The following LRP1B variants were observed in gnomAD, a reference collection of about 807,000 sequenced individuals.
LRP1B encodes the protein low-density lipoprotein receptor-related protein 1B.
Under a neutral mutation model 556.6 loss-of-function variants are expected in LRP1B, and 217 were observed. That is an observed-to-expected ratio of 0.39 (90% CI 0.35 to 0.44). LRP1B has a LOEUF of 0.44. Ranked by LOEUF, LRP1B falls within the 20% of genes least tolerant of loss-of-function variation. The pLI is 1.00. For missense variants in LRP1B, 5,053 were observed against 5,620.8 expected, an observed-to-expected ratio of 0.90 and a Z score of 3.23; for synonymous variants, 2,047 against 1,865.8, an observed-to-expected ratio of 1.10 and a Z score of -2.50.
chr2:140,977,119 C>G (rs1008898695), intron 18 of LRP1B, among the ~76,000 whole-genome samples: 2 of 152,196 alleles, frequency 1.3e-5, no homozygotes, highest in South Asian at 2.1e-4. Context: ...TGGCTCGTCC[C>G]CACCCAAGTC....
rs114227202 is a variant in LRP1B, at chr2:140,384,066, T to C, written c.10531+1827A>G. Among the ~76,000 whole-genome samples the C allele has an allele frequency of 3.4e-3, 521 of 152,254 alleles. 3 individuals carry two copies. Among genetic ancestry groups the C allele is most frequent in the African/African-American group, 0.012 (490 of 41,562 alleles). The stretch of plus-strand genomic sequence containing the variant: ...AGCAGACTCAGAAGCAGGCGAGCCC[T>C]TCCTTCTTCTCCTGCTTTTCCTATT... On this transcript the variant is annotated intron_variant, in intron 67 of 90. Transcript: ENST00000389484.
chr2:141,235,506 T>C (rs562080715), intron 5 of LRP1B, among the ~76,000 whole-genome samples: 2 of 152,234 alleles, frequency 1.3e-5, no homozygotes, highest in East Asian at 3.9e-4. Flanking sequence ...GGTCTCAGCC[T>C]TGCCTTAATG....
intron 2 of LRP1B, among the ~76,000 whole-genome samples, chr2:141,689,972 T>C (rs1310101650): frequency 6.6e-6 from 1 of 151,798 alleles, no homozygotes; most frequent in Non-Finnish European, 1.5e-5. Flanking sequence ...TCTACTCTTG[T>C]AAATACTTGG....
At position 141,188,590 on chromosome 2, in the gene LRP1B, AAC is replaced by A; in HGVS notation, c.851-9_851-8del. The A allele has an allele frequency of 6.2e-7, 1 of 1,611,254 alleles. No homozygotes were observed. The highest frequency in any genetic ancestry group is 1.7e-4 in the Middle Eastern group (1 of 6,046). ...ATCGCCATTTGTTGCACATCTGAAA[AAC>A]ACATACACAAAATCATTGAATCACA... On this transcript the variant is annotated splice_polypyrimidine_tract_variant and splice_region_variant and intron_variant, in intron 6 of 90. Coordinates refer to ENST00000389484, the MANE Select transcript of LRP1B (RefSeq NM_018557.3).
At chr2:141,752,468 C>T (rs1279890672) in intron 2 of LRP1B, among the ~76,000 whole-genome samples, 1 of 152,078 alleles carries the variant, frequency 6.6e-6, no homozygotes, top group Non-Finnish European at 1.5e-5. Context: ...TTTTGGGTAC[C>T]ACTACCTAGA....
chr2:141,183,753 A>G (rs888346099), intron 7 of LRP1B, among the ~76,000 whole-genome samples: 14 of 151,972 alleles, frequency 9.2e-5, no homozygotes, highest in African/African-American at 2.7e-4. Flanking sequence ...CCCTCCCTCA[A>G]TTTAGCCAAA....
chr2:141,065,092 T>C (rs997568547), intron 7 of LRP1B, among the ~76,000 whole-genome samples: 23 of 151,912 alleles, frequency 1.5e-4, no homozygotes, highest in Non-Finnish European at 2.4e-4. Flanking sequence ...AACTTGTTAT[T>C]TGGAATTTCA....
chr2:141,809,012 T>G (rs1438126278), intron 2 of LRP1B, among the ~76,000 whole-genome samples: 1 of 152,156 alleles, frequency 6.6e-6, no homozygotes, highest in African/African-American at 2.4e-5. Context: ...ACCTTTTATC[T>G]TTAACTTATC....
intron 35 of LRP1B, among the ~76,000 whole-genome samples, chr2:140,731,549 C>A (rs1687776337): frequency 6.6e-6 from 1 of 151,930 alleles, no homozygotes; most frequent in South Asian, 2.1e-4. Flanking sequence ...GTGGGAGGAT[C>A]ACGAGGTCAA....
chr2:142,110,446 C>T (rs1706933790), intron 1 of LRP1B, among the ~76,000 whole-genome samples: 1 of 152,056 alleles, frequency 6.6e-6, no homozygotes. Flanking sequence ...GGTGGATCCT[C>T]ACAGGACACG....
intron 3 of LRP1B, among the ~76,000 whole-genome samples, chr2:141,383,981 G>A (rs747940644): frequency 5.3e-5 from 8 of 152,162 alleles, no homozygotes; most frequent in Non-Finnish European, 7.4e-5. Context: ...AAAATATGCT[G>A]AGGGATGATC....
At chr2:140,710,556 T>C (rs987930688) in intron 37 of LRP1B, among the ~76,000 whole-genome samples, 1 of 151,944 alleles carries the variant, frequency 6.6e-6, no homozygotes, top group African/African-American at 2.4e-5. Context: ...TGGGATTAGA[T>C]GGGTTTAAAA....
rs1699386754 is a variant in LRP1B, at chr2:141,894,635, T to TAGATC, written c.83-84235_83-84234insGATCT. Among the ~76,000 whole-genome samples the TAGATC allele has an allele frequency of 2.1e-3, 305 of 147,822 alleles. 2 individuals are homozygous for TAGATC. The highest frequency in any genetic ancestry group is 6.9e-3 in the African/African-American group (274 of 39,928). On this transcript the variant is annotated intron_variant, in intron 1 of 90. Transcript: ENST00000389484. Reference sequence around the variant, plus strand: ...CAAGAGGATATTCTAAATAGAATATTTAGATCTAGATCTAGATCTAGATCT... The same window carrying TAGATC: ...CAAGAGGATATTCTAAATAGAATATTAGATCTAGATCTAGATCTAGATCTAGATCT...
intron 41 of LRP1B, among the ~76,000 whole-genome samples, chr2:140,608,239 T>C (rs1398693250): frequency 6.6e-6 from 1 of 152,110 alleles, no homozygotes; most frequent in Non-Finnish European, 1.5e-5. Flanking sequence ...TTAAAATCAA[T>C]AGTTGTATAT....
intron 5 of LRP1B, among the ~76,000 whole-genome samples, chr2:141,241,019 C>T (rs1274303694): frequency 4.6e-5 from 7 of 151,976 alleles, no homozygotes; most frequent in Non-Finnish European, 1.0e-4. Flanking sequence ...ATGATATCCC[C>T]TAGCATAAAA....
At chr2:140,325,064 G>T (rs1050863556) in intron 80 of LRP1B, among the ~76,000 whole-genome samples, 1 of 152,050 alleles carries the variant, frequency 6.6e-6, no homozygotes, top group African/African-American at 2.4e-5. Flanking sequence ...ATGATAATTT[G>T]TGGTTACAAA....
intron 23 of LRP1B, among the ~76,000 whole-genome samples, chr2:140,892,788 A>C (rs1204354497): frequency 6.6e-6 from 1 of 152,192 alleles, no homozygotes; most frequent in Admixed American, 6.6e-5. Context: ...ATGGAAAAGC[A>C]TAAAAGATGT....
chr2:140,879,927 A>T (rs1693421543), intron 25 of LRP1B, among the ~76,000 whole-genome samples: 1 of 151,036 alleles, frequency 6.6e-6, no homozygotes, highest in Non-Finnish European at 1.5e-5. Flanking sequence ...AAGCAGCAGA[A>T]GGTAAAAATA....
At chr2:140,285,732 A>G (rs1683118538) in intron 84 of LRP1B, among the ~76,000 whole-genome samples, 1 of 151,796 alleles carries the variant, frequency 6.6e-6, no homozygotes, top group African/African-American at 2.4e-5. Context: ...TATGCATTCA[A>G]TCACTGTAAT....
Sources: gnomAD v4.1 joint callset for allele counts (sites outside exome capture counted in the v4.1 genomes callset) on GRCh38, gnomAD v4.1.1 for gene constraint, MANE v1.5 for transcripts, NCBI Gene and HGNC (gene_info 2026-07-23, HGNC 2026-07-21) for gene names.